The following CCDC60 variants were observed in gnomAD, a reference collection of about 807,000 sequenced individuals.
CCDC60 encodes coiled-coil domain-containing protein 60.
A neutral mutation model predicts 63.5 loss-of-function variants in CCDC60; 54 were observed. The observed-to-expected ratio is 0.85, with a 90% CI of 0.68 to 1.07. The LOEUF (loss-of-function observed/expected upper bound fraction) is 1.07, where lower values mean the gene tolerates loss of function less well. Ranked by LOEUF, CCDC60 falls within the 50% of genes least tolerant of loss-of-function variation. The probability of loss-of-function intolerance (pLI) is 0.00; values close to 1 mark genes in which losing one functional copy is unlikely to be tolerated. For missense variants in CCDC60, 651 were observed against 684.3 expected (o/e 0.95, Z 0.54); for synonymous variants, 206 against 238.8 (o/e 0.86, Z 1.27).
intron 11 of CCDC60, among the ~76,000 whole-genome samples, chr12:119,527,666 C>CTTTCT (rs1161185946): frequency 8.5e-4 from 72 of 84,990 alleles, no homozygotes; most frequent in African/African-American, 2.0e-3. Flanking sequence ...TTCTTTCTTT[C>CTTTCT]TTTTTTTTTT....
intron 6 of CCDC60, among the ~76,000 whole-genome samples, chr12:119,500,923 G>A (rs1324392925): frequency 6.6e-6 from 1 of 152,132 alleles, no homozygotes; most frequent in Non-Finnish European, 1.5e-5. Context: ...AGAAGGTGCA[G>A]TTATTAAGAG....
intron 7 of CCDC60, among the ~76,000 whole-genome samples, chr12:119,515,292 T>G (rs1187504748): frequency 6.6e-6 from 1 of 152,182 alleles, no homozygotes; most frequent in Non-Finnish European, 1.5e-5. Context: ...CAGGTATGAA[T>G]AAATATTTCC....
chr12:119,423,884 A>G (rs953806387), intron 1 of CCDC60, among the ~76,000 whole-genome samples: 7 of 152,208 alleles, frequency 4.6e-5, no homozygotes, highest in African/African-American at 1.4e-4. Flanking sequence ...ACATCATTCC[A>G]GACTCTTAGA....
chr12:119,360,631 C>T (rs1336153121), intron 1 of CCDC60, among the ~76,000 whole-genome samples: 1 of 151,850 alleles, frequency 6.6e-6, no homozygotes, highest in Non-Finnish European at 1.5e-5. Flanking sequence ...GGGGCAGAGG[C>T]GTTCCCCACA....
intron 6 of CCDC60, among the ~76,000 whole-genome samples, chr12:119,503,503 T>C (rs1162206618): frequency 3.3e-5 from 5 of 152,232 alleles, no homozygotes; most frequent in African/African-American, 1.2e-4. Context: ...TCTGGTTAAA[T>C]CCAGTTCAAA....
At chr12:119,379,824 CA>C (rs763657188) in intron 1 of CCDC60, among the ~76,000 whole-genome samples, 7 of 152,222 alleles carry the variant, frequency 4.6e-5, no homozygotes, top group Non-Finnish European at 5.9e-5. Flanking sequence ...GTTAAGTAAG[CA>C]GAAGCCTCAA....
chr12:119,461,983 T>C (rs1246839511), intron 2 of CCDC60, among the ~76,000 whole-genome samples: 5 of 152,200 alleles, frequency 3.3e-5, no homozygotes, highest in Non-Finnish European at 7.3e-5. Flanking sequence ...GTTCCCAGAA[T>C]AGACTGGTGT....
intron 1 of CCDC60, among the ~76,000 whole-genome samples, chr12:119,377,187 G>T (rs112217947): frequency 1.3e-5 from 2 of 149,952 alleles, no homozygotes; most frequent in Non-Finnish European, 3.0e-5. Context: ...CTTGGGAGGC[G>T]GAGGTTGCAG....
intron 1 of CCDC60, among the ~76,000 whole-genome samples, chr12:119,346,394 C>G (rs931675498): frequency 1.3e-5 from 2 of 152,078 alleles, no homozygotes; most frequent in African/African-American, 4.8e-5. Context: ...AGTTTTGCAA[C>G]CTGTCCAGAG....
intron 1 of CCDC60, 88 bp from the exon 2 acceptor site, chr12:119,428,595 G>T: frequency 2.3e-6 from 2 of 876,770 alleles, no homozygotes; most frequent in South Asian, 1.6e-5. Context: ...ATACATCTCA[G>T]AGAAACCCAT....
At chr12:119,503,486 T>C (rs927273775) in intron 6 of CCDC60, among the ~76,000 whole-genome samples, 1 of 152,240 alleles carries the variant, frequency 6.6e-6, no homozygotes, top group Non-Finnish European at 1.5e-5. Flanking sequence ...GCATGGCCTC[T>C]TGAAGATCTG....
At position 119,473,701 on chromosome 12, in the gene CCDC60, C is replaced by T. The variant is rs559520187; in HGVS notation, c.341+1537C>T. On this transcript the variant is annotated intron_variant, in intron 3 of 13. Coordinates refer to ENST00000327554, the MANE Select transcript of CCDC60 (RefSeq NM_178499.5). ...GCTCCCACTTATGAATGAGAATATA[C>T]GATGTTTGGTTTTCCATTCCTGAGT... 5.3e-5 allele frequency among the ~76,000 whole-genome samples: 8 copies of T among 152,152 alleles called. No individual in the cohort carries two copies. In the East Asian group the frequency reaches 5.8e-4, roughly 11 times the overall value.
At chr12:119,366,707 G>A (rs989060382) in intron 1 of CCDC60, among the ~76,000 whole-genome samples, 1 of 152,200 alleles carries the variant, frequency 6.6e-6, no homozygotes, top group African/African-American at 2.4e-5. Context: ...CAGGGCAAGG[G>A]CAGTGAGATA....
chr12:119,346,774 C>CTCTCTTTCTT (rs1555230507), intron 1 of CCDC60, among the ~76,000 whole-genome samples: 2 of 125,394 alleles, frequency 1.6e-5, no homozygotes, highest in South Asian at 5.6e-4. Context: ...ACTCATCTTT[C>CTCTCTTTCTT]TCTTTCTTTC....
At chr12:119,406,740 G>T (rs1035744876) in intron 1 of CCDC60, among the ~76,000 whole-genome samples, 1 of 150,784 alleles carries the variant, frequency 6.6e-6, no homozygotes, top group African/African-American at 2.4e-5. Flanking sequence ...TTTACTTCAT[G>T]AATATAAGCC....
intron 1 of CCDC60, among the ~76,000 whole-genome samples, chr12:119,398,637 TA>T (rs1805538624): frequency 6.6e-6 from 1 of 152,198 alleles, no homozygotes; most frequent in South Asian, 2.1e-4. Flanking sequence ...TCCATTCCTT[TA>T]AAAAAATCAA....
At chr12:119,362,996 G>C (rs2136167672) in intron 1 of CCDC60, among the ~76,000 whole-genome samples, 1 of 152,362 alleles carries the variant, frequency 6.6e-6, no homozygotes, top group East Asian at 1.9e-4. Flanking sequence ...TACTCGGGAG[G>C]CTGGGGCAGG....
intron 2 of CCDC60, among the ~76,000 whole-genome samples, chr12:119,444,799 G>A (rs1950510959): frequency 6.6e-6 from 1 of 152,218 alleles, no homozygotes; most frequent in Admixed American, 6.5e-5. Context: ...ACCTGGACAA[G>A]GGAGGCTACC....
rs1286259027 is a variant in CCDC60 at position 119,500,004 on chromosome 12, T to C, written c.558-74T>C. The C allele has an allele frequency of 9.7e-6, 10 of 1,031,546 alleles. No individual in the cohort carries two copies. In the Admixed American group the frequency reaches 1.0e-4, roughly 11 times the overall value. The allele number at this position is 1,031,546 out of a possible 1,614,324, so 63.9% of individuals were successfully genotyped here. A position where few individuals can be genotyped will look rare whatever the true frequency, so the allele number is the denominator to read the frequency against. ...CAGCCACCATTCCTCCTCTATTTAT[T>C]GCATTTCTTAAAAGAACTTGTAATA... On this transcript the variant is annotated intron_variant, in intron 5 of 13. Coordinates refer to ENST00000327554, the MANE Select transcript of CCDC60 (RefSeq NM_178499.5).
Sources: allele counts gnomAD v4.1 joint callset (sites outside exome capture counted in the v4.1 genomes callset), GRCh38; gene constraint gnomAD v4.1.1; transcripts MANE v1.5; gene names NCBI Gene and HGNC (gene_info 2026-07-23, HGNC 2026-07-21).